The following KLHL7 variants were observed in gnomAD, a reference collection of about 807,000 sequenced individuals.
The protein encoded by KLHL7 is kelch like family member 7.
KLHL7 carries 44 observed loss-of-function variants against 67.4 expected under a neutral mutation model. The ratio of observed to expected loss-of-function variants is 0.65; its 90% CI spans 0.51 to 0.84. The LOEUF (loss-of-function observed/expected upper bound fraction) is 0.84. KLHL7 is among the 40% of genes least tolerant of loss of function. The pLI, the probability that KLHL7 is intolerant of heterozygous loss-of-function variation, is 0.00. For synonymous variants in KLHL7, 252 were observed against 243.3 expected (o/e 1.04, Z -0.33); for missense variants, 362 against 718.1 (o/e 0.50, Z 5.67).
intron 9 of KLHL7, among the ~76,000 whole-genome samples, chr7:23,169,436 G>A (rs939234382): frequency 1.3e-5 from 2 of 152,048 alleles, no homozygotes; most frequent in African/African-American, 4.8e-5. Flanking sequence ...TGCTAAAGAT[G>A]TTTACCAACT....
chr7:23,165,589 G>C (rs896421034), intron 7 of KLHL7, 109 bp from the exon 8 acceptor site: 15 of 1,223,546 alleles, frequency 1.2e-5, no homozygotes, highest in East Asian at 2.5e-5. Flanking sequence ...TGTATGTGTA[G>C]TCTAATAAAT....
chr7:23,152,885 A>C (rs1400925106), intron 7 of KLHL7, among the ~76,000 whole-genome samples: 1 of 152,230 alleles, frequency 6.6e-6, no homozygotes, highest in African/African-American at 2.4e-5. Context: ...CTGGTACTAC[A>C]TGTATTGCTG....
intron 4 of KLHL7, among the ~76,000 whole-genome samples, chr7:23,130,114 A>G (rs747776563): frequency 6.6e-6 from 1 of 152,204 alleles, no homozygotes; most frequent in African/African-American, 2.4e-5. Flanking sequence ...CAAAAACATC[A>G]TTGGTGTCTA....
At chr7:23,149,904 A>G (rs1198863461) in intron 6 of KLHL7, among the ~76,000 whole-genome samples, 1 of 152,246 alleles carries the variant, frequency 6.6e-6, no homozygotes, top group East Asian at 1.9e-4. Context: ...AAAGATGTTC[A>G]TTAATTCACC....
intron 4 of KLHL7, chr7:23,125,617 A>C: frequency 2.1e-6 from 2 of 970,066 alleles, no homozygotes; most frequent in Non-Finnish European, 2.9e-6. Flanking sequence ...ATTCTTAGCT[A>C]CTACACCTTG....
Position 23,174,734 on chromosome 7 carries a change from G to A in KLHL7, c.*436G>A, listed in dbSNP as rs1173589066. The A allele has an allele frequency of 4.4e-6, 2 of 454,978 alleles. No individual in the cohort carries two copies. The highest frequency in any genetic ancestry group is 8.8e-6 in the Non-Finnish European group (2 of 227,130). The allele number at this position is 454,978 out of a possible 1,614,324, so 28.2% of individuals were successfully genotyped here. On this transcript the variant is annotated 3_prime_UTR_variant, in exon 11 of 11. Coordinates refer to ENST00000339077, the MANE Select transcript of KLHL7 (RefSeq NM_001031710.3). Reference sequence around the variant, plus strand: ...AATAGTATGAATTGTAAGTCAAGATGGGCAACTCAGATGGAGCAGCTTAGT... The same window carrying A: ...AATAGTATGAATTGTAAGTCAAGATAGGCAACTCAGATGGAGCAGCTTAGT...
At chr7:23,118,969 C>G (rs888249163) in intron 1 of KLHL7, among the ~76,000 whole-genome samples, 1 of 151,772 alleles carries the variant, frequency 6.6e-6, no homozygotes, top group Admixed American at 6.6e-5. Flanking sequence ...CTACTTGGGA[C>G]GAGGGGTGGG....
At chr7:23,114,433 A>G (rs1783002877) in intron 1 of KLHL7, among the ~76,000 whole-genome samples, 1 of 152,196 alleles carries the variant, frequency 6.6e-6, no homozygotes, top group Non-Finnish European at 1.5e-5. Context: ...TCGTTTGGTT[A>G]TTGATACTTC....
intron 4 of KLHL7, among the ~76,000 whole-genome samples, chr7:23,128,206 T>G (rs1783654489): frequency 6.6e-6 from 1 of 151,310 alleles, no homozygotes; most frequent in African/African-American, 2.4e-5. Flanking sequence ...GACATTCAAT[T>G]GAATTGAAAA....
intron 4 of KLHL7, among the ~76,000 whole-genome samples, chr7:23,133,722 C>A (rs1490057657): frequency 2.0e-5 from 3 of 152,242 alleles, no homozygotes; most frequent in Non-Finnish European, 4.4e-5. Context: ...GCATGAACCA[C>A]CATGCCCAGC....
intron 4 of KLHL7, among the ~76,000 whole-genome samples, chr7:23,136,477 A>T (rs1279666827): frequency 6.6e-6 from 1 of 152,206 alleles, no homozygotes; most frequent in Admixed American, 6.5e-5. Flanking sequence ...GTCAGATTTT[A>T]AAAAGAAGGA....
chr7:23,124,722 A>G lies in KLHL7; in HGVS notation c.258A>G (p.Glu86=). The change falls in exon 3 of 11, where the codon GAA becomes GAG. Residue 86 remains glutamate, a synonymous_variant. Coordinates refer to ENST00000339077, the MANE Select transcript of KLHL7 (RefSeq NM_001031710.3). ...TTGAATCAAAGTCCTTTGAAGTAGA[A>G]CTCAAAGATGCTGAACCTGATATTA... ...NMLESKSFEV[E]LKDAEPDIIE... is the part of the protein sequence containing the mutation. The G allele has an allele frequency of 6.2e-7, 1 of 1,611,640 alleles. No homozygotes were observed. The highest frequency in any genetic ancestry group is 8.5e-7 in the Non-Finnish European group (1 of 1,177,760).
At position 23,175,537 on chromosome 7, in the gene KLHL7, C is replaced by A; in HGVS notation, c.*1239C>A. On this transcript the variant is annotated 3_prime_UTR_variant, in exon 11 of 11. Transcript: ENST00000339077. ...TATAGAGGTTATAATAGTCTTAAAC[C>A]CTAAAAATGTTTAAATCAAAAAGGA... 11 of 315,000 alleles carry A rather than the reference C, an allele frequency of 3.5e-5. No individual in the cohort carries two copies. Among genetic ancestry groups the A allele is most frequent in the South Asian group, 5.6e-5 (2 of 35,914 alleles). 19.5% of individuals were successfully genotyped at this position (315,000 alleles called of 1,614,324 possible). A position where few individuals can be genotyped will look rare whatever the true frequency, so the allele number is the denominator to read the frequency against.
At chr7:23,111,693 G>A (rs1019133454) in intron 1 of KLHL7, among the ~76,000 whole-genome samples, 5 of 151,880 alleles carry the variant, frequency 3.3e-5, no homozygotes, top group South Asian at 2.1e-4. Context: ...ATAGTCGCAC[G>A]TGCCTGTAGT....
At chr7:23,173,505 TA>T (rs1363510487) in intron 10 of KLHL7, among the ~76,000 whole-genome samples, 1 of 152,248 alleles carries the variant, frequency 6.6e-6, no homozygotes. Context: ...TTTGTTTTCA[TA>T]AATAATGTAC....
Position 23,175,698 on chromosome 7 carries a change from C to T in KLHL7, c.*1400C>T, listed in dbSNP as rs997681247. ...TATTCAGGCCAGGCACAGTGGCTCA[C>T]GCCTGTAATCCCAGCACTTTGGGAG... is the stretch of plus-strand genomic sequence containing the variant. On this transcript the variant is annotated 3_prime_UTR_variant, in exon 11 of 11. Coordinates refer to ENST00000339077, the MANE Select transcript of KLHL7 (RefSeq NM_001031710.3). 12 of 208,154 alleles carry T rather than the reference C, an allele frequency of 5.8e-5. No individual in the cohort carries two copies. Among genetic ancestry groups the T allele is most frequent in the African/African-American group, 1.7e-4 (7 of 41,762 alleles). 12.9% of individuals were successfully genotyped at this position (208,154 alleles called of 1,614,324 possible). A position where few individuals can be genotyped will look rare whatever the true frequency, so the allele number is the denominator to read the frequency against.
intron 10 of KLHL7, among the ~76,000 whole-genome samples, chr7:23,173,526 T>C (rs993250023): frequency 1.3e-5 from 2 of 152,226 alleles, no homozygotes; most frequent in African/African-American, 4.8e-5. Flanking sequence ...CTAAAGAATC[T>C]TAAATAATTG....
rs1432507866 is a variant in KLHL7 at position 23,174,496 on chromosome 7, C to T, written c.*198C>T. 1 of 697,946 alleles carries T rather than the reference C, an allele frequency of 1.4e-6. No homozygotes were observed. Among genetic ancestry groups the T allele is most frequent in the Non-Finnish European group, 2.6e-6 (1 of 386,478 alleles). 43.2% of individuals were successfully genotyped at this position (697,946 alleles called of 1,614,324 possible). ...ATCATATTTTAGCTGGCCACAAAACCAAGAACATATCTAGCAAGAAAACTT... is the reference window on the plus strand; with the variant it reads ...ATCATATTTTAGCTGGCCACAAAACTAAGAACATATCTAGCAAGAAAACTT... On this transcript the variant is annotated 3_prime_UTR_variant, in exon 11 of 11. Coordinates refer to ENST00000339077, the MANE Select transcript of KLHL7 (RefSeq NM_001031710.3).
At chr7:23,128,764 G>A (rs1210629891) in intron 4 of KLHL7, among the ~76,000 whole-genome samples, 1 of 152,020 alleles carries the variant, frequency 6.6e-6, no homozygotes, top group Admixed American at 6.6e-5. Flanking sequence ...CCTCTGGCAG[G>A]CCTGGCAACC....
Sources: allele counts gnomAD v4.1 joint callset (sites outside exome capture counted in the v4.1 genomes callset), GRCh38; gene constraint gnomAD v4.1.1; transcripts MANE v1.5; gene names NCBI Gene and HGNC (gene_info 2026-07-23, HGNC 2026-07-21).